Variants in TMCO1 observed in about 807,000 individuals in gnomAD.
The protein encoded by TMCO1 is calcium load-activated calcium channel.
TMCO1 carries 29 observed loss-of-function variants against 29.3 expected under a neutral mutation model. The ratio of observed to expected loss-of-function variants is 0.99; its 90% CI spans 0.74 to 1.35. TMCO1 has a LOEUF of 1.35. Ranked by LOEUF, TMCO1 falls within the 40% of genes most tolerant of loss-of-function variation. TMCO1 has a pLI of 0.00. For missense variants in TMCO1, 173 were observed against 225.5 expected, an observed-to-expected ratio of 0.77 and a Z score of 1.49; for synonymous variants, 80 against 77.1, an observed-to-expected ratio of 1.04 and a Z score of -0.20.
At chr1:165,733,637 AAGAT>A (rs75693837) in intron 6 of TMCO1, among the ~76,000 whole-genome samples, 36,257 of 151,912 alleles carry the variant, frequency 0.24, 4,471 homozygotes, top group South Asian at 0.34. Context: ...ATTTAGCTAA[AAGAT>A]AGGAGTTTTA....
chr1:165,733,592 T>C (rs992154414), intron 6 of TMCO1, among the ~76,000 whole-genome samples: 1 of 150,388 alleles, frequency 6.6e-6, no homozygotes, highest in Non-Finnish European at 1.5e-5. Context: ...CAAGACTCCA[T>C]CTCAAAAAAA....
chr1:165,728,330 C>T (rs1202066280), intron 6 of TMCO1, among the ~76,000 whole-genome samples: 1 of 151,500 alleles, frequency 6.6e-6, no homozygotes, highest in Non-Finnish European at 1.5e-5. Flanking sequence ...AATCTTGGCT[C>T]ACTGCAAGCT....
intron 4 of TMCO1, among the ~76,000 whole-genome samples, chr1:165,753,146 G>T (rs1250330361): frequency 6.6e-6 from 1 of 152,018 alleles, no homozygotes; most frequent in Non-Finnish European, 1.5e-5. Flanking sequence ...TATACTTCAT[G>T]GTATGCCAGA....
intron 5 of TMCO1, among the ~76,000 whole-genome samples, chr1:165,744,261 C>CT (rs990085103): frequency 1.3e-5 from 2 of 152,128 alleles, no homozygotes; most frequent in African/African-American, 4.8e-5. Flanking sequence ...AGTGCACTTA[C>CT]TCTATGACTC....
chr1:165,747,719 T>C (rs1651851428), intron 5 of TMCO1, among the ~76,000 whole-genome samples: 1 of 152,156 alleles, frequency 6.6e-6, no homozygotes, highest in Non-Finnish European at 1.5e-5. Context: ...TGGTGATAAG[T>C]GTGGACTTTA....
chr1:165,744,453 G>A (rs562151486), intron 5 of TMCO1, among the ~76,000 whole-genome samples: 2 of 152,270 alleles, frequency 1.3e-5, no homozygotes, highest in South Asian at 4.1e-4. Context: ...CATTAGTGAT[G>A]AGCTTTCTGT....
At chr1:165,753,239 G>A (rs537154141) in intron 4 of TMCO1, among the ~76,000 whole-genome samples, 6 of 151,944 alleles carry the variant, frequency 3.9e-5, no homozygotes, top group Non-Finnish European at 4.4e-5. Flanking sequence ...TTGGGAGGCC[G>A]AGGCAGGTGG....
chr1:165,747,642 G>A (rs1044133605), intron 5 of TMCO1, among the ~76,000 whole-genome samples: 2 of 152,188 alleles, frequency 1.3e-5, no homozygotes, highest in African/African-American at 2.4e-5. Flanking sequence ...ACAGGCTGGG[G>A]CCAAAGCATG....
chr1:165,760,895 A>G (rs936088051), intron 2 of TMCO1, among the ~76,000 whole-genome samples: 1 of 152,224 alleles, frequency 6.6e-6, no homozygotes, highest in African/African-American at 2.4e-5. Context: ...GGATATGTCA[A>G]AAATTACCTT....
At chr1:165,766,758 C>CAAAA (rs1652583175) in intron 2 of TMCO1, among the ~76,000 whole-genome samples, 1 of 71,468 alleles carries the variant, frequency 1.4e-5, no homozygotes, top group Admixed American at 1.4e-4. Flanking sequence ...GACCCTGTCT[C>CAAAA]AAAAAATAAA....
chr1:165,729,153 G>C (rs550928034), intron 6 of TMCO1, among the ~76,000 whole-genome samples: 1 of 143,844 alleles, frequency 7.0e-6, no homozygotes, highest in East Asian at 2.0e-4. Context: ...TTACAGTGTT[G>C]AAAGTACTCA....
At chr1:165,752,562 AT>A (rs200412619) in intron 4 of TMCO1, among the ~76,000 whole-genome samples, 13 of 147,232 alleles carry the variant, frequency 8.8e-5, no homozygotes, top group Non-Finnish European at 1.5e-4. Context: ...GCCTCACGTC[AT>A]TTTTTTTTTA....
intron 4 of TMCO1, 151 bp from the exon 5 acceptor site, chr1:165,752,320 T>G (rs1652027841): frequency 1.5e-6 from 1 of 646,878 alleles, no homozygotes; most frequent in Non-Finnish European, 2.7e-6. Flanking sequence ...AGTGGCGCAA[T>G]CTCGGCTCAC....
intron 5 of TMCO1, among the ~76,000 whole-genome samples, chr1:165,746,308 CAAA>C (rs67433376): frequency 7.3e-5 from 9 of 123,448 alleles, no homozygotes; most frequent in Admixed American, 2.5e-4. Flanking sequence ...GACTCCATCT[CAAA>C]AAAAAAAAAA....
At chr1:165,752,253 T>A in intron 4 of TMCO1, 84 bp from the exon 5 acceptor site, 30 of 116,276 alleles carry the variant, frequency 2.6e-4, no homozygotes, top group Non-Finnish European at 4.4e-4. Flanking sequence ...TTTCATGTCA[T>A]TTTTTTTTTT....
At chr1:165,755,462 C>T (rs1485890281) in intron 3 of TMCO1, among the ~76,000 whole-genome samples, 1 of 152,104 alleles carries the variant, frequency 6.6e-6, no homozygotes, top group Non-Finnish European at 1.5e-5. Flanking sequence ...AGGAGGATTG[C>T]TTGAGTCCAG....
intron 6 of TMCO1, among the ~76,000 whole-genome samples, chr1:165,732,568 T>C (rs1351610428): frequency 2.0e-5 from 3 of 151,700 alleles, no homozygotes; most frequent in Non-Finnish European, 4.4e-5. Context: ...ACCCATAGAA[T>C]GTACAATGCA....
chr1:165,734,348 C>T (rs1453772694), intron 6 of TMCO1, among the ~76,000 whole-genome samples: 2 of 152,078 alleles, frequency 1.3e-5, no homozygotes, highest in East Asian at 3.8e-4. Context: ...TGCTGACAAA[C>T]TAGACAATAA....
chr1:165,741,238 G>C (rs181453391), intron 6 of TMCO1, among the ~76,000 whole-genome samples: 11 of 152,242 alleles, frequency 7.2e-5, no homozygotes, highest in African/African-American at 2.6e-4. Flanking sequence ...ACTAAGTTCA[G>C]CTGGTTTCCC....
Sources: allele counts gnomAD v4.1 joint callset (sites outside exome capture counted in the v4.1 genomes callset), GRCh38; gene constraint gnomAD v4.1.1; transcripts MANE v1.5; gene names NCBI Gene and HGNC (gene_info 2026-07-23, HGNC 2026-07-21).